Variants in SNTG2 observed in about 807,000 individuals in gnomAD.
The protein encoded by SNTG2 is gamma-2-syntrophin.
Under a neutral mutation model 70.9 loss-of-function variants are expected in SNTG2, and 74 were observed. The observed-to-expected ratio is 1.04, with a 90% CI of 0.86 to 1.27. The LOEUF is 1.27. Among genes scored for constraint, SNTG2 ranks in the 50% most tolerant of loss-of-function variants. The pLI, the probability that SNTG2 is intolerant of heterozygous loss-of-function variation, is 0.00. For missense variants in SNTG2, 717 were observed against 690.7 expected, an observed-to-expected ratio of 1.04 and a Z score of -0.43; for synonymous variants, 278 against 273.8, an observed-to-expected ratio of 1.02 and a Z score of -0.15.
At chr2:1,254,080 G>A (rs1379715777) in intron 12 of SNTG2, among the ~76,000 whole-genome samples, 2 of 152,188 alleles carry the variant, frequency 1.3e-5, no homozygotes, top group African/African-American at 4.8e-5. Flanking sequence ...CTCCAACAGT[G>A]AGGATTATAA....
chr2:1,167,526 G>A (rs1221392773), intron 7 of SNTG2, among the ~76,000 whole-genome samples: 13 of 105,402 alleles, frequency 1.2e-4, no homozygotes, highest in East Asian at 2.9e-4. Flanking sequence ...GAAACCTACA[G>A]GCCGCCCACA....
chr2:963,860 G>A lies in SNTG2; in HGVS notation c.72+12792G>A, dbSNP rs545545026. ...GTGTCATGTGAAAATGAAGCTAACAGTTAAGATAATCCAATTGCATGTTGT... is the reference window on the plus strand; with the variant it reads ...GTGTCATGTGAAAATGAAGCTAACAATTAAGATAATCCAATTGCATGTTGT... On this transcript the variant is annotated intron_variant, in intron 1 of 16. Coordinates refer to ENST00000308624, the MANE Select transcript of SNTG2 (RefSeq NM_018968.4). Among the ~76,000 whole-genome samples the A allele has an allele frequency of 2.5e-3, 383 of 152,322 alleles. 2 individuals carry two copies. The highest frequency in any genetic ancestry group is 4.5e-3 in the Non-Finnish European group (308 of 68,032).
chr2:1,293,916 T>C (rs1183194356), intron 14 of SNTG2, among the ~76,000 whole-genome samples: 1 of 152,152 alleles, frequency 6.6e-6, no homozygotes, highest in Non-Finnish European at 1.5e-5. Context: ...GATCCGAAAC[T>C]GGAACCCAGA....
chr2:1,126,971 A>G (rs1667733536), intron 4 of SNTG2, among the ~76,000 whole-genome samples: 1 of 151,234 alleles, frequency 6.6e-6, no homozygotes, highest in East Asian at 1.9e-4. Flanking sequence ...AGTTTGATAT[A>G]TCCCATTTGT....
intron 1 of SNTG2, among the ~76,000 whole-genome samples, chr2:967,367 CT>C (rs1165755238): frequency 1.3e-5 from 2 of 151,812 alleles, no homozygotes; most frequent in East Asian, 3.9e-4. Context: ...TTTAGAGATG[CT>C]TTTTTTTGGT....
chr2:1,155,658 G>A (rs1009124009), intron 6 of SNTG2, among the ~76,000 whole-genome samples: 1 of 152,208 alleles, frequency 6.6e-6, no homozygotes. Flanking sequence ...CCACCTGCAA[G>A]TGCCTCTCCC....
chr2:1,047,910 C>T (rs921391895), intron 1 of SNTG2, among the ~76,000 whole-genome samples: 5 of 151,866 alleles, frequency 3.3e-5, no homozygotes, highest in South Asian at 2.1e-4. Context: ...AAAGTGTCAC[C>T]GCTTAGAATA....
intron 3 of SNTG2, 50 bp downstream of exon 3, chr2:1,098,302 C>G: frequency 6.2e-7 from 1 of 1,613,556 alleles, no homozygotes; most frequent in Non-Finnish European, 8.5e-7. Context: ...GAAGAACTTT[C>G]CAGTGTGAAT....
At chr2:1,322,039 A>C (rs1378848417) in intron 16 of SNTG2, among the ~76,000 whole-genome samples, 1 of 152,140 alleles carries the variant, frequency 6.6e-6, no homozygotes, top group Non-Finnish European at 1.5e-5. Flanking sequence ...TTCCAGAAAA[A>C]TGAGTTGACT....
chr2:1,141,337 C>CA (rs1668736186), intron 6 of SNTG2, among the ~76,000 whole-genome samples: 1 of 152,196 alleles, frequency 6.6e-6, no homozygotes, highest in South Asian at 2.1e-4. Context: ...TGCCGGAACA[C>CA]AAAGTATGCT....
chr2:1,232,173 G>A (rs945616274), intron 9 of SNTG2, among the ~76,000 whole-genome samples: 1 of 152,176 alleles, frequency 6.6e-6, no homozygotes, highest in East Asian at 1.9e-4. Flanking sequence ...GAACCAATGG[G>A]AAGTGACAGA....
chr2:1,170,034 C>T (rs1208127230), intron 7 of SNTG2, among the ~76,000 whole-genome samples: 1 of 152,208 alleles, frequency 6.6e-6, no homozygotes, highest in Non-Finnish European at 1.5e-5. Context: ...GCAGACTTCA[C>T]TTTCTGACTG....
At chr2:1,355,955 C>G (rs865965729) in intron 16 of SNTG2, among the ~76,000 whole-genome samples, 4 of 152,190 alleles carry the variant, frequency 2.6e-5, no homozygotes, top group African/African-American at 9.7e-5. Flanking sequence ...ATGTGAATGC[C>G]TTTTCATGTT....
chr2:1,039,619 AC>A (rs1440588756), intron 1 of SNTG2, among the ~76,000 whole-genome samples: 1 of 152,144 alleles, frequency 6.6e-6, no homozygotes, highest in African/African-American at 2.4e-5. Context: ...TTTTTATCAG[AC>A]ACTGGTATGG....
intron 1 of SNTG2, among the ~76,000 whole-genome samples, chr2:1,026,314 C>T (rs902339627): frequency 6.6e-6 from 1 of 152,186 alleles, no homozygotes; most frequent in Non-Finnish European, 1.5e-5. Context: ...AGCGTGAACA[C>T]TGAAGAACAC....
intron 1 of SNTG2, chr2:1,058,994 T>C (rs553168704): frequency 1.3e-5 from 2 of 152,402 alleles, no homozygotes; most frequent in South Asian, 4.1e-4. Context: ...CGTCTTCAAA[T>C]GTTGCCATTT....
At chr2:1,143,483 ATTC>A (rs1368830967) in intron 6 of SNTG2, among the ~76,000 whole-genome samples, 1 of 151,958 alleles carries the variant, frequency 6.6e-6, no homozygotes, top group African/African-American at 2.4e-5. Flanking sequence ...AGCTCCAGGA[ATTC>A]TAGCTGTAAC....
chr2:995,442 T>C (rs1202521985), intron 1 of SNTG2, among the ~76,000 whole-genome samples: 1 of 152,148 alleles, frequency 6.6e-6, no homozygotes, highest in Non-Finnish European at 1.5e-5. Flanking sequence ...TATAATTTTT[T>C]AGAAATGTTG....
chr2:1,031,530 T>A (rs10210239), intron 1 of SNTG2, among the ~76,000 whole-genome samples: 10,222 of 35,368 alleles, frequency 0.29, 945 homozygotes, highest in East Asian at 0.62. Context: ...ATATATATAT[T>A]TTTTTTTTTT....
Sources: gnomAD v4.1 joint callset for allele counts (sites outside exome capture counted in the v4.1 genomes callset) on GRCh38, gnomAD v4.1.1 for gene constraint, MANE v1.5 for transcripts, NCBI Gene and HGNC (gene_info 2026-07-23, HGNC 2026-07-21) for gene names.